Variants in LRRK1 observed in about 807,000 individuals in gnomAD.
LRRK1 encodes leucine rich repeat kinase 1.
LRRK1 carries 113 observed loss-of-function variants against 209.1 expected under a neutral mutation model. That is an observed-to-expected ratio of 0.54 (90% CI 0.46 to 0.63). The LOEUF is 0.63. Ranked by LOEUF, LRRK1 falls within the 30% of genes least tolerant of loss-of-function variation. The pLI, the probability that LRRK1 is intolerant of heterozygous loss-of-function variation, is 0.00. For synonymous variants in LRRK1, 1,144 were observed against 1,099.7 expected (o/e 1.04, Z -0.80); for missense variants, 2,284 against 2,632.2 (o/e 0.87, Z 2.89).
Position 100,924,843 on chromosome 15 carries a change from C to T in LRRK1, c.97+114C>T, listed in dbSNP as rs2042081715. On this transcript the variant is annotated intron_variant, in intron 2 of 33. Coordinates refer to ENST00000388948, the MANE Select transcript of LRRK1 (RefSeq NM_024652.6). Reference sequence around the variant, plus strand: ...TCTCAACCAGTGGAAATCAAATGTCCATCATTTGGTGCTCTTTCATCATAT... The same window carrying T: ...TCTCAACCAGTGGAAATCAAATGTCTATCATTTGGTGCTCTTTCATCATAT... The T allele has an allele frequency of 4.4e-6, 3 of 686,856 alleles. No individual in the cohort carries two copies. The Admixed American group carries it at 7.0e-5, about 16-fold the overall frequency. 42.5% of individuals were successfully genotyped at this position (686,856 alleles called of 1,614,324 possible). A position where few individuals can be genotyped will look rare whatever the true frequency, so the allele number is the denominator to read the frequency against.
chr15:101,049,859 G>A (rs571439719), intron 23 of LRRK1, 76 bp downstream of exon 23: 108 of 1,479,066 alleles, frequency 7.3e-5, no homozygotes, highest in African/African-American at 1.1e-4. Context: ...TGCTGCTTTC[G>A]GGGTGGACAA....
At chr15:101,038,891 G>C (rs888803027) in intron 20 of LRRK1, among the ~76,000 whole-genome samples, 2 of 152,144 alleles carry the variant, frequency 1.3e-5, no homozygotes, top group African/African-American at 4.8e-5. Flanking sequence ...AAGCACACTT[G>C]TGGCTGCACT....
chr15:101,068,601 A>G (rs965013615), intron 33 of LRRK1, 70 bp from the exon 34 acceptor site: 6 of 1,464,316 alleles, frequency 4.1e-6, no homozygotes, highest in African/African-American at 1.4e-5. Flanking sequence ...CAGAAGGCAC[A>G]GGGGGAGGGT....
At chr15:100,984,823 G>T (rs2031784832) in intron 4 of LRRK1, among the ~76,000 whole-genome samples, 1 of 152,064 alleles carries the variant, frequency 6.6e-6, no homozygotes, top group Non-Finnish European at 1.5e-5. Context: ...GTCTAGGCAG[G>T]CATCGCTACA....
intron 2 of LRRK1, among the ~76,000 whole-genome samples, chr15:100,947,897 C>T (rs1265962938): frequency 3.9e-5 from 6 of 152,172 alleles, no homozygotes; most frequent in South Asian, 2.1e-4. Context: ...TCCAGGGAAA[C>T]GTGAGCTGCT....
chr15:101,028,894 C>T, intron 19 of LRRK1, 62 bp from the exon 20 acceptor site: 2 of 1,558,346 alleles, frequency 1.3e-6, no homozygotes, highest in South Asian at 2.4e-5. Flanking sequence ...AAGAGGGCCA[C>T]CCCAGAGTCC....
intron 12 of LRRK1, among the ~76,000 whole-genome samples, chr15:101,019,632 G>A (rs552618846): frequency 2.6e-5 from 4 of 152,318 alleles, no homozygotes; most frequent in African/African-American, 7.2e-5. Context: ...AGCCAGAGCC[G>A]AGGCGGGGTA....
rs1567292958 is a variant in LRRK1 at position 101,066,759 on chromosome 15, C to CT, written c.5870+19dup. 6.3e-7 allele frequency: 1 copy of CT among 1,596,084 alleles called. No homozygotes were observed. Among genetic ancestry groups the CT allele is most frequent in the Admixed American group, 1.7e-5 (1 of 59,968 alleles). ...CCGCATGGGTAAGACTGAGTGGCAG[C>CT]TCCTTTAGGACCCAGGCAGCAGCAT... is the stretch of plus-strand genomic sequence containing the variant. On this transcript the variant is annotated intron_variant, in intron 33 of 33. Transcript: ENST00000388948.
intron 29 of LRRK1, 51 bp downstream of exon 29, chr15:101,058,192 G>A (rs375951151): frequency 8.3e-5 from 131 of 1,581,040 alleles, no homozygotes; most frequent in East Asian, 2.7e-4. Context: ...GTGGGAGGCC[G>A]CCGTGGAATC....
chr15:100,926,459 C>T lies in LRRK1; in HGVS notation c.97+1730C>T, dbSNP rs539040877. ...GTCATCTGAAAAAGCCCACAGGAGG[C>T]GCTGCTCCCTCCCCTCCTGGTCAAC... is the stretch of plus-strand genomic sequence containing the variant. On this transcript the variant is annotated intron_variant, in intron 2 of 33. Transcript: ENST00000388948. Among the ~76,000 whole-genome samples, 33 of 151,918 alleles carry T rather than the reference C, an allele frequency of 2.2e-4. No individual in the cohort carries two copies. In the South Asian group the frequency reaches 5.6e-3, roughly 26 times the overall value.
intron 30 of LRRK1, 52 bp downstream of exon 30, chr15:101,061,340 G>A (rs1202072260): frequency 2.3e-6 from 3 of 1,307,008 alleles, no homozygotes; most frequent in African/African-American, 1.5e-5. Context: ...CCCACTGGGT[G>A]CAGCCCTGGG....
intron 3 of LRRK1, among the ~76,000 whole-genome samples, chr15:100,981,617 C>G (rs1027028139): frequency 2.6e-5 from 4 of 152,206 alleles, no homozygotes; most frequent in Admixed American, 6.5e-5. Flanking sequence ...GGCTTTAGAG[C>G]TAGACACATC....
At chr15:101,021,821 C>T (rs751905835) in intron 13 of LRRK1, 24 bp from the exon 14 acceptor site, 15 of 1,389,792 alleles carry the variant, frequency 1.1e-5, no homozygotes, top group East Asian at 6.9e-5. Flanking sequence ...TGTATTCTCT[C>T]GTGGTGGACA....
intron 24 of LRRK1, 80 bp downstream of exon 24, chr15:101,052,040 C>T: frequency 1.3e-6 from 2 of 1,523,996 alleles, no homozygotes; most frequent in Non-Finnish European, 1.8e-6. Flanking sequence ...GAGTGATCTC[C>T]AGGAAGACCC....
intron 20 of LRRK1, among the ~76,000 whole-genome samples, chr15:101,039,939 T>G (rs1567255086): frequency 6.6e-6 from 1 of 152,228 alleles, no homozygotes; most frequent in Non-Finnish European, 1.5e-5. Flanking sequence ...GTTCATGATT[T>G]ATTATCTTTT....
chr15:101,015,395 T>C lies in LRRK1; in HGVS notation c.1602T>C (p.Thr534=). ...CCAGAGGTCGCCAGCGCTCCGGGAC[T>C]GAGGCAGGTGTGTGTGGGTTGGGAG... ...FTTRGRQRSG[T]EAASVLEFPA... Residue 534 remains threonine, a synonymous_variant, in exon 12 of 34, where the codon ACT becomes ACC. Coordinates refer to ENST00000388948, the MANE Select transcript of LRRK1 (RefSeq NM_024652.6). The C allele has an allele frequency of 6.2e-7, 1 of 1,612,656 alleles. No individual in the cohort carries two copies. The highest frequency in any genetic ancestry group is 8.5e-7 in the Non-Finnish European group (1 of 1,179,134).
chr15:100,933,205 G>A (rs1001339927), intron 2 of LRRK1, among the ~76,000 whole-genome samples: 1 of 152,118 alleles, frequency 6.6e-6, no homozygotes, highest in Non-Finnish European at 1.5e-5. Flanking sequence ...CCTCTGATGT[G>A]GTGTGATTCT....
chr15:101,062,714 A>G (rs2036258240), intron 31 of LRRK1, 24 bp downstream of exon 31: 5 of 1,544,786 alleles, frequency 3.2e-6, no homozygotes, highest in Middle Eastern at 1.7e-4. Context: ...AAAGGCAGGT[A>G]TGCAGGTCTC....
At chr15:100,923,586 T>C (rs2042057030) in intron 1 of LRRK1, among the ~76,000 whole-genome samples, 1 of 152,180 alleles carries the variant, frequency 6.6e-6, no homozygotes, top group South Asian at 2.1e-4. Context: ...GGTCTTACCC[T>C]CCCTCTGGTC....
Sources: gnomAD v4.1 joint callset for allele counts (sites outside exome capture counted in the v4.1 genomes callset) on GRCh38, gnomAD v4.1.1 for gene constraint, MANE v1.5 for transcripts, NCBI Gene and HGNC (gene_info 2026-07-23, HGNC 2026-07-21) for gene names.